The following DOP1B variants were observed in gnomAD, a reference collection of about 807,000 sequenced individuals.
DOP1B encodes the protein protein DOP1B.
In DOP1B, 174 loss-of-function variants were observed where a neutral mutation model predicts 233.5. The observed-to-expected ratio is 0.75, with a 90% confidence interval of 0.66 to 0.85. The LOEUF (loss-of-function observed/expected upper bound fraction) is 0.85. Among genes scored for constraint, DOP1B ranks in the 40% least tolerant of loss-of-function variants. The probability of loss-of-function intolerance (pLI) is 0.00; values close to 1 mark genes in which losing one functional copy is unlikely to be tolerated. For missense variants in DOP1B, 2,652 were observed against 2,846.6 expected (o/e 0.93, Z 1.56); for synonymous variants, 1,190 against 1,185.6 (o/e 1.00, Z -0.08).
rs374373110 is a variant in DOP1B at position 36,164,826 on chromosome 21, G to A, written c.93G>A (p.Ser31=). Residue 31 remains serine (S), a synonymous_variant, in exon 2 of 37, where the codon TCG becomes TCA. Coordinates refer to ENST00000691173, the MANE Select transcript of DOP1B (RefSeq NM_001320714.2). ...AGGCTTTGAGAAATTTTGAGTCCTC[G>A]AGTGAATGGGCGGATCTCATATCTT... The part of the protein sequence containing the change: ...IEKALRNFES[S]SEWADLISSL... 8 of 1,612,456 alleles carry A rather than the reference G, an allele frequency of 5.0e-6. No homozygotes were observed. The highest frequency in any genetic ancestry group is 3.3e-5 in the Admixed American group (2 of 59,718).
intron 2 of DOP1B, chr21:36,168,894 G>GT (rs375606002): frequency 0.024 from 8,985 of 380,686 alleles, 2 homozygotes; most frequent in South Asian, 0.032. Flanking sequence ...CTCCCTGTGG[G>GT]TTTTTTTTTT....
At chr21:36,205,940 G>A (rs1415112820) in intron 4 of DOP1B, among the ~76,000 whole-genome samples, 1 of 152,034 alleles carries the variant, frequency 6.6e-6, no homozygotes. Context: ...AACCTGGGAG[G>A]CAGAGGTTGC....
intron 3 of DOP1B, among the ~76,000 whole-genome samples, chr21:36,199,592 C>T (rs921766164): frequency 7.9e-5 from 12 of 152,130 alleles, no homozygotes; most frequent in Admixed American, 6.6e-5. Flanking sequence ...CCCACTCCCC[C>T]GACCCCATGA....
rs550566204 is a variant in DOP1B, at chr21:36,161,762, C to T, written c.-26-2946C>T. Among the ~76,000 whole-genome samples, 11 of 152,332 alleles carry T rather than the reference C, an allele frequency of 7.2e-5. No homozygotes were observed. In the South Asian group the frequency reaches 2.1e-3, roughly 29 times the overall value. On this transcript the variant is annotated intron_variant, in intron 1 of 36. Coordinates refer to ENST00000691173, the MANE Select transcript of DOP1B (RefSeq NM_001320714.2). ...AGATCGCCGTGCCCAGTGGCCATTA[C>T]TCCCTGTTTTCACTGCACCCCAGGC...
chr21:36,207,501 T>A (rs1230941737), intron 4 of DOP1B, among the ~76,000 whole-genome samples: 1 of 110,856 alleles, frequency 9.0e-6, no homozygotes, highest in African/African-American at 3.7e-5. Context: ...TTTTTTTTGT[T>A]TTTTTTTTTT....
chr21:36,202,001 A>G (rs1345223575), intron 4 of DOP1B, among the ~76,000 whole-genome samples: 1 of 152,084 alleles, frequency 6.6e-6, no homozygotes, highest in Non-Finnish European at 1.5e-5. Flanking sequence ...CCTGGCCAAC[A>G]TGGTGAAACC....
intron 4 of DOP1B, among the ~76,000 whole-genome samples, chr21:36,203,110 C>CAGTT (rs1223442458): frequency 1.3e-5 from 2 of 152,206 alleles, no homozygotes; most frequent in African/African-American, 2.4e-5. Context: ...TTCATTTGAA[C>CAGTT]AGTTGCTAAA....
chr21:36,233,028 G>T lies in DOP1B; in HGVS notation c.2575G>T (p.Ala859Ser). ...GCAGATGGTGACGGTTCCTCCCATT[G>T]CTCCAGGGATATTGAAAGTCATTGC... ...KLQMVTVPPI[A>S]PGILKVIAEK... Residue 859 changes from alanine (A) to serine (S), a missense_variant, in exon 15 of 37, where the codon GCT (alanine) becomes TCT (serine). Coordinates refer to ENST00000691173, the MANE Select transcript of DOP1B (RefSeq NM_001320714.2). 1 of 1,614,032 alleles carries T rather than the reference G, an allele frequency of 6.2e-7. No homozygotes were observed. The highest frequency in any genetic ancestry group is 8.5e-7 in the Non-Finnish European group (1 of 1,179,972).
intron 2 of DOP1B, among the ~76,000 whole-genome samples, chr21:36,180,777 A>G (rs1302296661): frequency 6.6e-6 from 1 of 152,096 alleles, no homozygotes; most frequent in African/African-American, 2.4e-5. Flanking sequence ...GCTACTTGAG[A>G]GACTGAGGCA....
intron 32 of DOP1B, among the ~76,000 whole-genome samples, chr21:36,287,451 A>T (rs1395595608): frequency 6.6e-6 from 1 of 151,674 alleles, no homozygotes; most frequent in East Asian, 1.9e-4. Context: ...ATGTCTTTCT[A>T]CTCAGCTGTG....
At chr21:36,186,603 G>A (rs2066168454) in intron 2 of DOP1B, among the ~76,000 whole-genome samples, 1 of 152,054 alleles carries the variant, frequency 6.6e-6, no homozygotes, top group Non-Finnish European at 1.5e-5. Flanking sequence ...GTAGGTGATG[G>A]TATATTTTTG....
Position 36,270,096 on chromosome 21 carries a change from G to A in DOP1B, c.5571G>A (p.Leu1857=). Residue 1857 remains leucine (L), a synonymous_variant, in exon 27 of 37, where the codon CTG becomes CTA. Coordinates refer to ENST00000691173, the MANE Select transcript of DOP1B (RefSeq NM_001320714.2). ...LEQTSWLSRN[L]EVKAQPQASL... ...AAACCAGCTGGCTAAGCAGAAACCT[G>A]GAAGTGAAGGCCCAACCTCAGGCCT... 6.2e-7 allele frequency: 1 copy of A among 1,614,134 alleles called. No homozygotes were observed.
chr21:36,243,798 G>A (rs1422629992), intron 18 of DOP1B, among the ~76,000 whole-genome samples: 3 of 151,630 alleles, frequency 2.0e-5, no homozygotes, highest in South Asian at 4.2e-4. Flanking sequence ...TCAGCCTCCC[G>A]AGTAGCTAGG....
intron 27 of DOP1B, among the ~76,000 whole-genome samples, chr21:36,270,620 A>T (rs2067277727): frequency 6.7e-6 from 1 of 148,748 alleles, no homozygotes; most frequent in Non-Finnish European, 1.5e-5. Flanking sequence ...ACTTTAGAAA[A>T]CATCACTTTG....
intron 2 of DOP1B, among the ~76,000 whole-genome samples, chr21:36,189,023 ATTAAC>A (rs983207345): frequency 1.4e-4 from 21 of 152,198 alleles, no homozygotes; most frequent in African/African-American, 5.1e-4. Context: ...TTTTAAGCAT[ATTAAC>A]TTGTGTCCAT....
intron 12 of DOP1B, among the ~76,000 whole-genome samples, chr21:36,227,416 GGGCA>G (rs2066703703): frequency 6.6e-6 from 1 of 150,862 alleles, no homozygotes; most frequent in Non-Finnish European, 1.5e-5. Context: ...GCGTGGTGGT[GGGCA>G]CCTGTAGTCC....
chr21:36,286,896 G>A (rs545943433), intron 32 of DOP1B, among the ~76,000 whole-genome samples: 31 of 151,966 alleles, frequency 2.0e-4, no homozygotes, highest in Non-Finnish European at 4.3e-4. Flanking sequence ...CCCGGGAGGC[G>A]GAGGTTGTAG....
intron 4 of DOP1B, among the ~76,000 whole-genome samples, chr21:36,206,727 C>T (rs1419142149): frequency 1.3e-5 from 2 of 152,032 alleles, no homozygotes; most frequent in Admixed American, 6.6e-5. Context: ...TGTGACACCA[C>T]GATGTGTGCA....
rs1395202555 is a variant in DOP1B, at chr21:36,214,134, T to C, written c.958T>C (p.Tyr320His). Reference sequence around the variant, plus strand: ...GCCAGAATCTGAAATCTCAAATTCTTATGAAGACCAGTCGTCTTATTTTTT... The same window carrying C: ...GCCAGAATCTGAAATCTCAAATTCTCATGAAGACCAGTCGTCTTATTTTTT... ...VVPESEISNS[Y>H]EDQSSYFFEK... The change falls in exon 8 of 37, where the codon TAT (tyrosine) becomes CAT (histidine). Residue 320 changes from tyrosine to histidine, a missense_variant. By Grantham distance (83) the Tyr-to-His change is moderately conservative. Around this residue, in one of 3 missense-constraint regions of DOP1B, gnomAD observed 2,617 missense variants for 2,794.3 expected, o/e 0.94. Coordinates refer to ENST00000691173, the MANE Select transcript of DOP1B (RefSeq NM_001320714.2). The C allele has an allele frequency of 6.2e-7, 1 of 1,613,926 alleles. No homozygotes were observed. The highest frequency in any genetic ancestry group is 8.5e-7 in the Non-Finnish European group (1 of 1,180,018).
Sources: gnomAD v4.1 joint callset for allele counts (sites outside exome capture counted in the v4.1 genomes callset) on GRCh38, gnomAD v4.1.1 for gene constraint, gnomAD v4.1.1 regional missense constraint, MANE v1.5 for transcripts, NCBI Gene and HGNC (gene_info 2026-07-23, HGNC 2026-07-21) for gene names.